Variants in TMEM117 observed in about 807,000 individuals in gnomAD.
TMEM117 encodes transmembrane protein 117.
TMEM117 carries 27 observed loss-of-function variants against 52.4 expected under a neutral mutation model. The observed-to-expected ratio is 0.51, with a 90% CI of 0.38 to 0.71. The LOEUF (loss-of-function observed/expected upper bound fraction) is 0.71. Among genes scored for constraint, TMEM117 ranks in the 30% least tolerant of loss-of-function variants. TMEM117 has a pLI of 0.00. For synonymous variants in TMEM117, 215 were observed against 206.3 expected (o/e 1.04, Z -0.36); for missense variants, 556 against 630.5 (o/e 0.88, Z 1.26).
upstream of TMEM117, among the ~76,000 whole-genome samples, chr12:43,833,647 G>C (rs866523199): frequency 2.0e-5 from 3 of 152,206 alleles, no homozygotes; most frequent in Middle Eastern, 6.8e-3. Flanking sequence ...AAATTAGCTA[G>C]GTGTGGTGGT....
intron 5 of TMEM117, among the ~76,000 whole-genome samples, chr12:44,285,123 T>C (rs534542662): frequency 5.9e-5 from 9 of 152,324 alleles, no homozygotes; most frequent in Admixed American, 4.6e-4. Flanking sequence ...TTCACATACA[T>C]TACAATCTGA....
chr12:44,081,620 T>C (rs1248505263), intron 3 of TMEM117, among the ~76,000 whole-genome samples: 1 of 152,166 alleles, frequency 6.6e-6, no homozygotes, highest in Non-Finnish European at 1.5e-5. Flanking sequence ...TTCCTTCTGG[T>C]AGAGTCTTAA....
intron 6 of TMEM117, among the ~76,000 whole-genome samples, chr12:44,338,174 T>C (rs756981936): frequency 1.5e-4 from 23 of 152,126 alleles, no homozygotes; most frequent in Non-Finnish European, 2.9e-4. Context: ...CACAATGTCC[T>C]GCTTTAAATT....
rs1478624437 is a variant in TMEM117, at chr12:44,389,541, A to G, written c.*869A>G. 6.6e-6 allele frequency: 1 copy of G among 152,526 alleles called. No individual in the cohort carries two copies. The highest frequency in any genetic ancestry group is 2.4e-5 in the African/African-American group (1 of 41,434). 9.4% of individuals were successfully genotyped at this position (152,526 alleles called of 1,614,324 possible). The stretch of plus-strand genomic sequence containing the variant: ...ACATCCCACCATTTACAATATTCGT[A>G]TATCTTTCTGCAAATATGGCTCTGG... On this transcript the variant is annotated 3_prime_UTR_variant, in exon 8 of 8. Coordinates refer to ENST00000266534, the MANE Select transcript of TMEM117 (RefSeq NM_032256.3).
chr12:44,005,744 G>A (rs891742234), intron 3 of TMEM117, among the ~76,000 whole-genome samples: 11 of 152,136 alleles, frequency 7.2e-5, no homozygotes, highest in Non-Finnish European at 1.6e-4. Flanking sequence ...CTCCCACAAT[G>A]CCCACATGTT....
intron 4 of TMEM117, among the ~76,000 whole-genome samples, chr12:44,175,644 G>A (rs1052618211): frequency 1.3e-5 from 2 of 152,152 alleles, no homozygotes; most frequent in Admixed American, 6.6e-5. Flanking sequence ...GATGGCCAAG[G>A]TAAAGGCCCA....
At chr12:44,386,220 G>T (rs922298395) in intron 7 of TMEM117, among the ~76,000 whole-genome samples, 2 of 152,044 alleles carry the variant, frequency 1.3e-5, no homozygotes, top group Non-Finnish European at 2.9e-5. Context: ...TTTCTGAAAG[G>T]CAGAGACATA....
At chr12:43,797,555 G>T in the TMEM117 span, 1 of 1,365,026 alleles carries the variant, frequency 7.3e-7, no homozygotes, top group Admixed American at 2.5e-5. Flanking sequence ...ACTTAGTTCT[G>T]GATGGTTTGA....
intron 6 of TMEM117, among the ~76,000 whole-genome samples, chr12:44,315,413 T>C (rs1236798318): frequency 6.6e-6 from 1 of 152,212 alleles, no homozygotes; most frequent in Admixed American, 6.5e-5. Flanking sequence ...CTGTCAACAC[T>C]GTTTTTGCTT....
In TMEM117 at chr12:44,337,442, A is replaced by G. The variant is rs1047533479; in HGVS notation, c.768+37703A>G. On this transcript the variant is annotated intron_variant, in intron 6 of 7. Transcript: ENST00000266534. ...TTCAACAAATTAATTTGGGAGACACATTCAGGTTCTAGCAGTACCTGGTGA... is the reference window on the plus strand; with the variant it reads ...TTCAACAAATTAATTTGGGAGACACGTTCAGGTTCTAGCAGTACCTGGTGA... Among the ~76,000 whole-genome samples the G allele has an allele frequency of 2.0e-5, 3 of 152,040 alleles. No homozygotes were observed. In the East Asian group the frequency reaches 5.8e-4, roughly 29 times the overall value.
At chr12:43,936,905 G>A (rs1180261183) in intron 2 of TMEM117, among the ~76,000 whole-genome samples, 1 of 152,194 alleles carries the variant, frequency 6.6e-6, no homozygotes, top group African/African-American at 2.4e-5. Context: ...AGGAGAATGG[G>A]TGGAAGTTCA....
intron 3 of TMEM117, among the ~76,000 whole-genome samples, chr12:44,090,374 G>C (rs576711407): frequency 2.7e-5 from 4 of 148,554 alleles, no homozygotes; most frequent in Admixed American, 6.7e-5. Context: ...TTGAGTGCAG[G>C]GCCCCTTTTA....
At chr12:44,152,325 A>ATT (rs1948748000) in intron 4 of TMEM117, among the ~76,000 whole-genome samples, 1 of 105,152 alleles carries the variant, frequency 9.5e-6, no homozygotes, top group African/African-American at 4.3e-5. Context: ...TATCATATAA[A>ATT]TATATATATT....
At chr12:44,074,158 G>A (rs1237632312) in intron 3 of TMEM117, among the ~76,000 whole-genome samples, 1 of 152,102 alleles carries the variant, frequency 6.6e-6, no homozygotes, top group East Asian at 1.9e-4. Context: ...CAACTTACCT[G>A]GAATGGAGAA....
At position 43,990,259 on chromosome 12, in the gene TMEM117, G is replaced by A. The variant is rs1945916482; in HGVS notation, c.410+45917G>A. Among the ~76,000 whole-genome samples the A allele has an allele frequency of 5.9e-5, 9 of 152,220 alleles. 1 individual carries two copies. In the South Asian group the frequency reaches 1.9e-3, roughly 32 times the overall value. On this transcript the variant is annotated intron_variant, in intron 3 of 7. Transcript: ENST00000266534. ...CAACCCACGTGAAAAATGTAGATGAGCACAGGAATTGAGGGTCAAATGAAT... is the reference window on the plus strand; with the variant it reads ...CAACCCACGTGAAAAATGTAGATGAACACAGGAATTGAGGGTCAAATGAAT...
intron 2 of TMEM117, among the ~76,000 whole-genome samples, chr12:43,933,709 C>T (rs1285862292): frequency 1.3e-5 from 2 of 151,690 alleles, no homozygotes; most frequent in African/African-American, 4.8e-5. Flanking sequence ...AGTACAGGCG[C>T]GTGCCACCAC....
At chr12:44,179,869 TAAC>T (rs986266152) in intron 4 of TMEM117, among the ~76,000 whole-genome samples, 26 of 152,330 alleles carry the variant, frequency 1.7e-4, no homozygotes, top group African/African-American at 6.3e-4. Flanking sequence ...CAGTGCTATA[TAAC>T]AACAATTCAT....
chr12:44,078,703 GTTT>G (rs1947423053), intron 3 of TMEM117, among the ~76,000 whole-genome samples: 1 of 151,624 alleles, frequency 6.6e-6, no homozygotes, highest in African/African-American at 2.4e-5. Flanking sequence ...TTTTTGTTTT[GTTT>G]TTATTTATTT....
intron 3 of TMEM117, among the ~76,000 whole-genome samples, chr12:43,980,202 G>A (rs1406367183): frequency 6.6e-6 from 1 of 152,118 alleles, no homozygotes; most frequent in East Asian, 1.9e-4. Context: ...CTTGGCTGAG[G>A]GAGAAGGAGG....
Sources: gnomAD v4.1 joint callset for allele counts (sites outside exome capture counted in the v4.1 genomes callset) on GRCh38, gnomAD v4.1.1 for gene constraint, MANE v1.5 for transcripts, NCBI Gene and HGNC (gene_info 2026-07-23, HGNC 2026-07-21) for gene names.